Variants in ZBTB7C observed in about 807,000 individuals in gnomAD.
ZBTB7C encodes the protein zinc finger and BTB domain-containing protein 7C.
A neutral mutation model predicts 25.7 loss-of-function variants in ZBTB7C; 8 were observed. That is an observed-to-expected ratio of 0.31 (90% CI 0.18 to 0.56). The LOEUF is 0.56. Ranked by LOEUF, ZBTB7C falls within the 20% of genes least tolerant of loss-of-function variation. The pLI is 0.91. For missense variants in ZBTB7C, 824 were observed against 855.2 expected (o/e 0.96, Z 0.46); for synonymous variants, 394 against 369.0 (o/e 1.07, Z -0.78).
intron 2 of ZBTB7C, among the ~76,000 whole-genome samples, chr18:48,241,099 AC>A (rs1266660286): frequency 4.6e-5 from 7 of 152,204 alleles, no homozygotes; most frequent in Non-Finnish European, 1.0e-4. Flanking sequence ...TTAAAAAAAA[AC>A]AAAGAAGGAC....
intron 1 of ZBTB7C, among the ~76,000 whole-genome samples, chr18:48,366,531 A>C (rs2047224400): frequency 6.6e-6 from 1 of 152,244 alleles, no homozygotes; most frequent in African/African-American, 2.4e-5. Context: ...TGCAACATAC[A>C]TGGCACGCAG....
intron 1 of ZBTB7C, among the ~76,000 whole-genome samples, chr18:48,405,593 GGATAA>G (rs1436419313): frequency 2.0e-5 from 3 of 152,180 alleles, no homozygotes; most frequent in African/African-American, 7.2e-5. Context: ...TCAGCCTTTT[GGATAA>G]GATAAAAGTG....
intron 1 of ZBTB7C, among the ~76,000 whole-genome samples, chr18:48,357,391 C>T (rs368965275): frequency 6.6e-6 from 1 of 152,192 alleles, no homozygotes; most frequent in Non-Finnish European, 1.5e-5. Flanking sequence ...GCAGAGCTCA[C>T]ACTTCCTCAC....
At chr18:48,046,328 T>G (rs866447474) in intron 3 of ZBTB7C, among the ~76,000 whole-genome samples, 17 of 152,132 alleles carry the variant, frequency 1.1e-4, no homozygotes, top group African/African-American at 4.1e-4. Flanking sequence ...TGGAAGCAAA[T>G]GTATTGAGGA....
intron 3 of ZBTB7C, among the ~76,000 whole-genome samples, chr18:48,056,999 A>T (rs2036938361): frequency 1.3e-5 from 2 of 148,842 alleles, no homozygotes; most frequent in South Asian, 4.3e-4. Context: ...ATAGAGAGAG[A>T]CCATGTGTCA....
intron 3 of ZBTB7C, among the ~76,000 whole-genome samples, chr18:48,050,485 T>TCC (rs1168337521): frequency 6.6e-6 from 1 of 152,172 alleles, no homozygotes; most frequent in African/African-American, 2.4e-5. Flanking sequence ...GAGCCCGCAG[T>TCC]CCCCAGCTGA....
At chr18:48,168,917 G>C (rs540358006) in intron 3 of ZBTB7C, among the ~76,000 whole-genome samples, 2 of 152,290 alleles carry the variant, frequency 1.3e-5, no homozygotes, top group East Asian at 3.9e-4. Flanking sequence ...AGAAGCAGAA[G>C]ATTTATTGGA....
chr18:48,076,737 G>C (rs2037779813), intron 3 of ZBTB7C, among the ~76,000 whole-genome samples: 1 of 152,118 alleles, frequency 6.6e-6, no homozygotes, highest in Non-Finnish European at 1.5e-5. Flanking sequence ...GAGACCTTGG[G>C]ACAGCTATTA....
intron 2 of ZBTB7C, among the ~76,000 whole-genome samples, chr18:48,335,841 T>C (rs1178468007): frequency 2.0e-5 from 3 of 152,236 alleles, no homozygotes; most frequent in Non-Finnish European, 4.4e-5. Context: ...ACCTACTGAG[T>C]GAAATGAAAT....
intron 2 of ZBTB7C, among the ~76,000 whole-genome samples, chr18:48,245,494 C>CA (rs5824738): frequency 0.38 from 50,429 of 132,800 alleles, 10,840 homozygotes; most frequent in Non-Finnish European, 0.5. Flanking sequence ...ATCAAGACAC[C>CA]AAAAAAAAAA....
chr18:48,155,318 CTTTTTTTTTT>C (rs578058729), intron 3 of ZBTB7C, among the ~76,000 whole-genome samples: 8 of 78,040 alleles, frequency 1.0e-4, no homozygotes, highest in Admixed American at 5.3e-4. Flanking sequence ...CTGTAATATT[CTTTTTTTTTT>C]TTTTTTTTTT....
intron 2 of ZBTB7C, among the ~76,000 whole-genome samples, chr18:48,293,849 C>T (rs1413195699): frequency 7.0e-6 from 1 of 143,854 alleles, no homozygotes; most frequent in Non-Finnish European, 1.5e-5. Flanking sequence ...AATTCCTGGC[C>T]TCAAGCAATC....
intron 2 of ZBTB7C, among the ~76,000 whole-genome samples, chr18:48,331,834 G>A (rs987824460): frequency 1.3e-5 from 2 of 152,162 alleles, no homozygotes; most frequent in Non-Finnish European, 1.5e-5. Context: ...TCAGGGCTCA[G>A]CCAGCTGGTA....
chr18:48,245,092 G>GTGTATATATA (rs1555723392), intron 2 of ZBTB7C, among the ~76,000 whole-genome samples: 1 of 126,334 alleles, frequency 7.9e-6, no homozygotes, highest in Non-Finnish European at 1.6e-5. Context: ...GTGTGTGTGT[G>GTGTATATATA]TATATATATA....
chr18:48,229,629 C>G (rs2043196482), intron 2 of ZBTB7C, among the ~76,000 whole-genome samples: 1 of 152,268 alleles, frequency 6.6e-6, no homozygotes, highest in South Asian at 2.1e-4. Context: ...TAATTTAATG[C>G]CTTTGGCTTG....
intron 2 of ZBTB7C, among the ~76,000 whole-genome samples, chr18:48,304,988 C>A (rs1466760750): frequency 6.6e-6 from 1 of 152,096 alleles, no homozygotes; most frequent in African/African-American, 2.4e-5. Flanking sequence ...GTGCCTCGAG[C>A]CTTTGTTACC....
chr18:48,392,316 T>A lies in ZBTB7C; in HGVS notation c.-304+16910A>T, dbSNP rs1401964030. On this transcript the variant is annotated intron_variant, in intron 1 of 4. Transcript: ENST00000590800. The stretch of plus-strand genomic sequence containing the variant: ...GAATTCTTAAAGATGAAATGCTCTT[T>A]TTTTGTCCCAAAATACAGTTTTTCA... 3.3e-5 allele frequency among the ~76,000 whole-genome samples: 5 copies of A among 152,230 alleles called. No individual in the cohort carries two copies. In the East Asian group the frequency reaches 9.6e-4, roughly 29 times the overall value.
At chr18:48,063,310 C>G (rs1238914560) in intron 3 of ZBTB7C, among the ~76,000 whole-genome samples, 4 of 152,248 alleles carry the variant, frequency 2.6e-5, no homozygotes, top group Admixed American at 6.5e-5. Flanking sequence ...GCTTTTCCCC[C>G]CCAGCTTACA....
At chr18:48,066,362 G>T (rs2037330815) in intron 3 of ZBTB7C, among the ~76,000 whole-genome samples, 1 of 152,238 alleles carries the variant, frequency 6.6e-6, no homozygotes, top group Non-Finnish European at 1.5e-5. Flanking sequence ...GGGGGGCGGA[G>T]GTGGGGGTGA....
Sources: allele counts gnomAD v4.1 joint callset (sites outside exome capture counted in the v4.1 genomes callset), GRCh38; gene constraint gnomAD v4.1.1; transcripts MANE v1.5; gene names NCBI Gene and HGNC (gene_info 2026-07-23, HGNC 2026-07-21).